TIMM17A: variants seen among roughly 807,000 people sequenced by gnomAD.
The protein encoded by TIMM17A is mitochondrial import inner membrane translocase subunit Tim17-A.
In TIMM17A, 15 loss-of-function variants were observed where a neutral mutation model predicts 26.5. That is an observed-to-expected ratio of 0.57 (90% CI 0.38 to 0.87). TIMM17A has a LOEUF of 0.87. TIMM17A is among the 40% of genes least tolerant of loss of function. The pLI, the probability that TIMM17A is intolerant of heterozygous loss-of-function variation, is 0.00. For missense variants in TIMM17A, 201 were observed against 210.0 expected, an observed-to-expected ratio of 0.96 and a Z score of 0.27; for synonymous variants, 80 against 70.8, an observed-to-expected ratio of 1.13 and a Z score of -0.66.
chr1:201,967,542 A>ATTTATTTTATTTATTTG (rs1553301614), intron 5 of TIMM17A, among the ~76,000 whole-genome samples: 4 of 148,800 alleles, frequency 2.7e-5, no homozygotes, highest in African/African-American at 7.5e-5. Context: ...TTATTTATTT[A>ATTTATTTTATTTATTTG]TTTATTTATT....
rs757986397 is a variant in TIMM17A at position 201,969,657 on chromosome 1, A to G, written c.*103A>G. On this transcript the variant is annotated 3_prime_UTR_variant, in exon 6 of 6. Transcript: ENST00000367287. ...TTTTAAAACCATAGGTGGGACAGCTATGGCCAATAGGCTATAAAGAGACAT... is the reference window on the plus strand; with the variant it reads ...TTTTAAAACCATAGGTGGGACAGCTGTGGCCAATAGGCTATAAAGAGACAT... 5 of 954,776 alleles carry G rather than the reference A, an allele frequency of 5.2e-6. No homozygotes were observed. The highest frequency in any genetic ancestry group is 8.4e-6 in the Non-Finnish European group (5 of 598,534). The allele number at this position is 954,776 out of a possible 1,614,324, so 59.1% of individuals were successfully genotyped here.
intron 3 of TIMM17A, among the ~76,000 whole-genome samples, chr1:201,961,456 C>T (rs530994079): frequency 2.0e-5 from 3 of 152,276 alleles, no homozygotes; most frequent in South Asian, 2.1e-4. Flanking sequence ...TGGAAGAAGA[C>T]GTTTCAGGCT....
rs1422216244 is a variant in TIMM17A at position 201,955,537 on chromosome 1, A to T, written c.11A>T (p.Tyr4Phe). Residue 4 changes from tyrosine to phenylalanine, a missense_variant, in exon 1 of 6, where the codon TAC becomes TTC. Coordinates refer to ENST00000367287, the MANE Select transcript of TIMM17A (RefSeq NM_006335.3). Reference sequence around the variant, plus strand: ...GGCATTGGAGTCAAGATGGAGGAGTACGCGCGAGAGCCTTGGTGAGCTTCA... The same window carrying T: ...GGCATTGGAGTCAAGATGGAGGAGTTCGCGCGAGAGCCTTGGTGAGCTTCA... MEE[Y>F]AREPCPWRIV... 3 of 1,614,254 alleles carry T rather than the reference A, an allele frequency of 1.9e-6. No homozygotes were observed. The Admixed American group carries it at 5.0e-5, about 27-fold the overall frequency.
intron 5 of TIMM17A, among the ~76,000 whole-genome samples, chr1:201,965,974 A>G (rs1018796540): frequency 6.6e-6 from 1 of 152,234 alleles, no homozygotes; most frequent in African/African-American, 2.4e-5. Flanking sequence ...ACACATTAAC[A>G]GATAAATTAG....
Position 201,959,999 on chromosome 1 carries a change from A to AAAATAAATAAAT in TIMM17A, c.190+2437_190+2448dup, listed in dbSNP as rs59830417. Among the ~76,000 whole-genome samples, 11 of 150,308 alleles carry AAAATAAATAAAT rather than the reference A, an allele frequency of 7.3e-5. No homozygotes were observed. In the South Asian group the frequency reaches 1.9e-3, roughly 26 times the overall value. On this transcript the variant is annotated intron_variant, in intron 3 of 5. Transcript: ENST00000367287. ...CAGGGTGACAGCGAGACTCTGTCTC[A>AAAATAAATAAAT]AAATAAATAAATAAATAAATAAAAA...
In TIMM17A at chr1:201,969,614, G is replaced by A; in HGVS notation, c.*60G>A. The stretch of plus-strand genomic sequence containing the variant: ...TTGTGGTTCGAGAAGGATTTCAGAA[G>A]ATCAAGTTACAGTCTGTTTTTAAAA... On this transcript the variant is annotated 3_prime_UTR_variant, in exon 6 of 6. Coordinates refer to ENST00000367287, the MANE Select transcript of TIMM17A (RefSeq NM_006335.3). 1.4e-6 allele frequency: 2 copies of A among 1,430,220 alleles called. No individual in the cohort carries two copies. The highest frequency in any genetic ancestry group is 2.0e-6 in the Non-Finnish European group (2 of 1,015,236). 88.6% of individuals were successfully genotyped at this position (1,430,220 alleles called of 1,614,324 possible). A position where few individuals can be genotyped will look rare whatever the true frequency, so the allele number is the denominator to read the frequency against.
intron 1 of TIMM17A, among the ~76,000 whole-genome samples, chr1:201,956,749 A>C (rs758224668): frequency 1.3e-5 from 2 of 152,066 alleles, no homozygotes; most frequent in Non-Finnish European, 2.9e-5. Flanking sequence ...CGAGGTCAGG[A>C]GTTCAAGACC....
intron 5 of TIMM17A, among the ~76,000 whole-genome samples, chr1:201,968,378 T>A (rs537807788): frequency 6.6e-6 from 1 of 151,728 alleles, no homozygotes; most frequent in Non-Finnish European, 1.5e-5. Context: ...TATCTTTTTT[T>A]GGGGTTTTTT....
chr1:201,969,350 A>T (rs974743599), intron 5 of TIMM17A, 119 bp from the exon 6 acceptor site: 9 of 772,310 alleles, frequency 1.2e-5, no homozygotes, highest in East Asian at 1.1e-4. Flanking sequence ...ATTTAGGGTT[A>T]TAGCTTTAAT....
intron 5 of TIMM17A, among the ~76,000 whole-genome samples, chr1:201,967,704 G>A (rs369779877): frequency 6.6e-6 from 1 of 151,336 alleles, no homozygotes; most frequent in Non-Finnish European, 1.5e-5. Context: ...CGCTATGCCC[G>A]GCTAATTTTT....
intron 5 of TIMM17A, among the ~76,000 whole-genome samples, chr1:201,966,991 T>G (rs1000410873): frequency 5.3e-5 from 7 of 133,100 alleles, no homozygotes; most frequent in African/African-American, 1.1e-4. Flanking sequence ...ATTATATATG[T>G]TGTGTGTGTG....
chr1:201,959,213 G>A (rs1245521773), intron 3 of TIMM17A, among the ~76,000 whole-genome samples: 1 of 152,152 alleles, frequency 6.6e-6, no homozygotes, highest in Non-Finnish European at 1.5e-5. Context: ...ATTATTAGCT[G>A]GGCCCGGTGG....
rs777698948 is a variant in TIMM17A, at chr1:201,957,374, T to C, written c.120T>C (p.Ser40=). The change falls in exon 2 of 6, where the codon TCT becomes TCC. Residue 40 remains serine, a synonymous_variant. Coordinates refer to ENST00000367287, the MANE Select transcript of TIMM17A (RefSeq NM_006335.3). ...IFQAIKGFRN[S]PVGVNHRLRG... is the part of the protein sequence containing the mutation. ...AAGCAATCAAAGGTTTTCGCAATTC[T>C]CCAGTGGTAAGTGGGTGAATGGTCT... 10 of 1,612,914 alleles carry C rather than the reference T, an allele frequency of 6.2e-6. No homozygotes were observed. Among genetic ancestry groups the C allele is most frequent in the Middle Eastern group, 1.6e-4 (1 of 6,062 alleles).
chr1:201,957,577 A>G lies in TIMM17A; in HGVS notation c.190+3A>G. The G allele has an allele frequency of 1.2e-6, 2 of 1,610,042 alleles. No individual in the cohort carries two copies. The highest frequency in any genetic ancestry group is 2.2e-5 in the South Asian group (2 of 90,112). On this transcript the variant is annotated splice_donor_region_variant and intron_variant, in intron 3 of 5. Transcript: ENST00000367287. ...AACCAGGGCTCCACAGTTAGGAGGT[A>G]AGCAGAATTTTCATTTTAACTGAAC...
In TIMM17A at chr1:201,968,797, C is replaced by T. The variant is rs528341227; in HGVS notation, c.431-672C>T. Reference sequence around the variant, plus strand: ...AAAACTTCAGAGAATTCTGCCACTGCCCTCTTTCTCTCTTCCTTCCAGATA... The same window carrying T: ...AAAACTTCAGAGAATTCTGCCACTGTCCTCTTTCTCTCTTCCTTCCAGATA... On this transcript the variant is annotated intron_variant, in intron 5 of 5. Transcript: ENST00000367287. Among the ~76,000 whole-genome samples the T allele has an allele frequency of 5.9e-5, 9 of 152,190 alleles. No homozygotes were observed. The South Asian group carries it at 1.9e-3, about 32-fold the overall frequency.
chr1:201,966,396 G>A (rs1682626633), intron 5 of TIMM17A, among the ~76,000 whole-genome samples: 1 of 152,092 alleles, frequency 6.6e-6, no homozygotes, highest in Non-Finnish European at 1.5e-5. Flanking sequence ...TATCAAGATG[G>A]TGCATTCCTG....
intron 4 of TIMM17A, among the ~76,000 whole-genome samples, chr1:201,964,635 C>CTTTTTTTTTTTTTT (rs570309464): frequency 1.2e-4 from 11 of 90,960 alleles, no homozygotes; most frequent in African/African-American, 3.6e-4. Context: ...TATTTTATTT[C>CTTTTTTTTTTTTTT]TTTTTTTTTT....
intron 3 of TIMM17A, chr1:201,957,991 G>C: frequency 6.3e-6 from 1 of 159,998 alleles, no homozygotes. Flanking sequence ...TACAAAATTA[G>C]CTGGGCGTGG....
At position 201,969,633 on chromosome 1, in the gene TIMM17A, T is replaced by G. The variant is rs1682696985; in HGVS notation, c.*79T>G. On this transcript the variant is annotated 3_prime_UTR_variant, in exon 6 of 6. Transcript: ENST00000367287. ...TCAGAAGATCAAGTTACAGTCTGTT[T>G]TTAAAACCATAGGTGGGACAGCTAT... The G allele has an allele frequency of 2.3e-6, 3 of 1,280,114 alleles. No individual in the cohort carries two copies. The Admixed American group carries it at 5.3e-5, about 23-fold the overall frequency. The allele number at this position is 1,280,114 out of a possible 1,614,324, so 79.3% of individuals were successfully genotyped here. A position where few individuals can be genotyped will look rare whatever the true frequency, so the allele number is the denominator to read the frequency against.
Sources: gnomAD v4.1 joint callset for allele counts (sites outside exome capture counted in the v4.1 genomes callset) on GRCh38, gnomAD v4.1.1 for gene constraint, MANE v1.5 for transcripts, NCBI Gene and HGNC (gene_info 2026-07-23, HGNC 2026-07-21) for gene names.